Variants in GSTCD observed in about 807,000 individuals in gnomAD.
The protein encoded by GSTCD is glutathione S-transferase C-terminal domain containing.
GSTCD carries 44 observed loss-of-function variants against 68.3 expected under a neutral mutation model. The observed-to-expected ratio is 0.64, with a 90% confidence interval of 0.51 to 0.83. GSTCD has a LOEUF of 0.83. Ranked by LOEUF, GSTCD falls within the 40% of genes least tolerant of loss-of-function variation. The probability of loss-of-function intolerance (pLI) is 0.00; values close to 1 mark genes in which losing one functional copy is unlikely to be tolerated. For missense variants in GSTCD, 739 were observed against 735.9 expected, an observed-to-expected ratio of 1.00 and a Z score of -0.05; for synonymous variants, 273 against 255.2, an observed-to-expected ratio of 1.07 and a Z score of -0.67.
chr4:105,763,821 A>G (rs2544403), intron 5 of GSTCD, among the ~76,000 whole-genome samples: 139,078 of 152,154 alleles, frequency 0.91, 63,580 homozygotes, highest in East Asian at 0.96. Context: ...AGGTTTTTAT[A>G]TTGCTTTTAC....
In GSTCD at chr4:105,773,092, G is replaced by A. The variant is rs370357490; in HGVS notation, c.1240+43593G>A. Among the ~76,000 whole-genome samples, 12 of 152,290 alleles carry A rather than the reference G, an allele frequency of 7.9e-5. No homozygotes were observed. In the South Asian group the frequency reaches 2.5e-3, roughly 32 times the overall value. ...CTTCCTGGTTTAGTCCTGGGAAGGT[G>A]TATGTGTCCAGGAATTTATCCATTT... On this transcript the variant is annotated intron_variant, in intron 5 of 11. Transcript: ENST00000515279.
intron 5 of GSTCD, among the ~76,000 whole-genome samples, chr4:105,773,665 A>C (rs928269303): frequency 2.0e-5 from 3 of 152,162 alleles, no homozygotes; most frequent in African/African-American, 7.2e-5. Flanking sequence ...GTAGTTGTGC[A>C]GTTTTGAGTG....
At chr4:105,804,230 C>T (rs1291838105) in intron 5 of GSTCD, among the ~76,000 whole-genome samples, 1 of 151,810 alleles carries the variant, frequency 6.6e-6, no homozygotes, top group Non-Finnish European at 1.5e-5. Flanking sequence ...TATCAGGAAG[C>T]TTGCTTTTAA....
rs1445248826 is a variant in GSTCD, at chr4:105,787,839, G to T, written c.1241-35115G>T. Among the ~76,000 whole-genome samples the T allele has an allele frequency of 2.0e-5, 3 of 152,152 alleles. No individual in the cohort carries two copies. In the East Asian group the frequency reaches 5.8e-4, roughly 29 times the overall value. ...AAATTTTCAAGAATATAGAAATTAT[G>T]TAAAGCACGATTTTTTGGTATCATT... On this transcript the variant is annotated intron_variant, in intron 5 of 11. Transcript: ENST00000515279.
chr4:105,774,316 C>T (rs1734970826), intron 5 of GSTCD, among the ~76,000 whole-genome samples: 1 of 152,130 alleles, frequency 6.6e-6, no homozygotes, highest in African/African-American at 2.4e-5. Context: ...ATTTGCCAGT[C>T]TGTGTCTTTT....
intron 5 of GSTCD, among the ~76,000 whole-genome samples, chr4:105,788,961 T>C (rs1271870498): frequency 6.6e-6 from 1 of 152,102 alleles, no homozygotes; most frequent in Non-Finnish European, 1.5e-5. Flanking sequence ...AAGACTGTTT[T>C]CCTAGGTTTT....
chr4:105,771,840 C>T (rs1193412197), intron 5 of GSTCD, among the ~76,000 whole-genome samples: 2 of 152,100 alleles, frequency 1.3e-5, no homozygotes, highest in Non-Finnish European at 2.9e-5. Flanking sequence ...TTAGGATTGT[C>T]TTGGCTATAC....
Position 105,729,353 on chromosome 4 carries a change from T to C in GSTCD, c.1147-53T>C, listed in dbSNP as rs930148763. ...TATAATTTTTTAGCCTTCAATAATA[T>C]AATAAGACTATATTAATTCCTTAAT... is the stretch of plus-strand genomic sequence containing the variant. On this transcript the variant is annotated intron_variant, in intron 4 of 11. Transcript: ENST00000515279. 6 of 1,141,000 alleles carry C rather than the reference T, an allele frequency of 5.3e-6. No individual in the cohort carries two copies. In the African/African-American group the frequency reaches 7.8e-5, roughly 15 times the overall value. 70.7% of individuals were successfully genotyped at this position (1,141,000 alleles called of 1,614,324 possible).
chr4:105,772,574 G>A (rs1734893876), intron 5 of GSTCD, among the ~76,000 whole-genome samples: 1 of 152,026 alleles, frequency 6.6e-6, no homozygotes, highest in Non-Finnish European at 1.5e-5. Flanking sequence ...GAAGTGGTGT[G>A]GAATTTTATC....
intron 5 of GSTCD, among the ~76,000 whole-genome samples, chr4:105,791,217 C>T (rs2149255445): frequency 1.3e-5 from 2 of 151,838 alleles, no homozygotes; most frequent in Middle Eastern, 3.4e-3. Context: ...CACAGTGAAA[C>T]CCCGTCTCTA....
intron 5 of GSTCD, among the ~76,000 whole-genome samples, chr4:105,772,966 G>A (rs1483040188): frequency 1.3e-5 from 2 of 152,106 alleles, no homozygotes; most frequent in South Asian, 2.1e-4. Flanking sequence ...GGTAGAATTC[G>A]GCTGTGAATC....
In GSTCD at chr4:105,829,859, C is replaced by T. The variant is rs1003416107; in HGVS notation, c.1530+4059C>T. 3.3e-5 allele frequency among the ~76,000 whole-genome samples: 5 copies of T among 150,918 alleles called. No individual in the cohort carries two copies. The East Asian group carries it at 5.8e-4, about 18-fold the overall frequency. Reference sequence around the variant, plus strand: ...GGAACGATCAGAGAACAAGAAAGGACGTCTTGAAAAATAAAAATGTTAGCC... The same window carrying T: ...GGAACGATCAGAGAACAAGAAAGGATGTCTTGAAAAATAAAAATGTTAGCC... On this transcript the variant is annotated intron_variant, in intron 8 of 11. Transcript: ENST00000515279.
intron 1 of GSTCD, among the ~76,000 whole-genome samples, chr4:105,713,884 A>G (rs1021979159): frequency 8.6e-5 from 13 of 151,744 alleles, no homozygotes; most frequent in Admixed American, 3.3e-4. Context: ...ATAGATCTTG[A>G]CTTGAATTTT....
At chr4:105,839,755 C>T (rs1003981543) in intron 10 of GSTCD, among the ~76,000 whole-genome samples, 1 of 151,994 alleles carries the variant, frequency 6.6e-6, no homozygotes, top group Non-Finnish European at 1.5e-5. Context: ...GTTTCTAATC[C>T]CTCCTTTGAG....
At chr4:105,837,640 A>T (rs1298666291) in intron 9 of GSTCD, among the ~76,000 whole-genome samples, 1 of 152,228 alleles carries the variant, frequency 6.6e-6, no homozygotes, top group Non-Finnish European at 1.5e-5. Context: ...CTAACAGTGT[A>T]AACAATCTGT....
At chr4:105,743,371 CTAGA>C (rs1475483871) in intron 5 of GSTCD, among the ~76,000 whole-genome samples, 1 of 152,126 alleles carries the variant, frequency 6.6e-6, no homozygotes, top group Admixed American at 6.5e-5. Flanking sequence ...ACTCCTAGAG[CTAGA>C]TACTCAATTA....
chr4:105,801,408 C>A (rs1307600687), intron 5 of GSTCD, among the ~76,000 whole-genome samples: 1 of 151,972 alleles, frequency 6.6e-6, no homozygotes, highest in Non-Finnish European at 1.5e-5. Flanking sequence ...CTACTCTAGG[C>A]CTTGGAGATA....
intron 5 of GSTCD, among the ~76,000 whole-genome samples, chr4:105,742,250 C>T (rs1733653156): frequency 1.3e-5 from 2 of 152,182 alleles, no homozygotes; most frequent in Admixed American, 1.3e-4. Flanking sequence ...CACATCTTAT[C>T]TACCATTCCT....
chr4:105,724,282 G>A (rs767469852), intron 3 of GSTCD, among the ~76,000 whole-genome samples: 1 of 151,622 alleles, frequency 6.6e-6, no homozygotes, highest in Non-Finnish European at 1.5e-5. Flanking sequence ...AGAATTTGGT[G>A]GTAGTGCTAG....
Sources: allele counts gnomAD v4.1 joint callset (sites outside exome capture counted in the v4.1 genomes callset), GRCh38; gene constraint gnomAD v4.1.1; transcripts MANE v1.5; gene names NCBI Gene and HGNC (gene_info 2026-07-23, HGNC 2026-07-21).